MANBA: variants seen among roughly 807,000 people sequenced by gnomAD.
MANBA encodes the protein beta-mannosidase.
Under a neutral mutation model 111.1 loss-of-function variants are expected in MANBA, and 83 were observed. That is an observed-to-expected ratio of 0.75 (90% CI 0.63 to 0.90). The LOEUF (loss-of-function observed/expected upper bound fraction) is 0.90, where lower values mean the gene tolerates loss of function less well. MANBA is among the 40% of genes least tolerant of loss of function. The pLI is 0.00. For missense variants in MANBA, 1,036 were observed against 1,069.0 expected, an observed-to-expected ratio of 0.97 and a Z score of 0.43; for synonymous variants, 370 against 378.7, an observed-to-expected ratio of 0.98 and a Z score of 0.27.
At position 102,631,449 on chromosome 4, in the gene MANBA, A is replaced by G. The variant is rs1729369871; in HGVS notation, c.*608T>C. The G allele has an allele frequency of 3.6e-6, 1 of 277,938 alleles. No individual in the cohort carries two copies. The highest frequency in any genetic ancestry group is 2.2e-5 in the African/African-American group (1 of 45,898). 17.2% of individuals were successfully genotyped at this position (277,938 alleles called of 1,614,324 possible). A position where few individuals can be genotyped will look rare whatever the true frequency, so the allele number is the denominator to read the frequency against. ...TCCAGCACAGTATTGGGCAAAATTG[A>G]ATATTTATAGAACGGTTAAATAAGC... On this transcript the variant is annotated 3_prime_UTR_variant, in exon 17 of 17. Coordinates refer to ENST00000647097, the MANE Select transcript of MANBA (RefSeq NM_005908.4).
At chr4:102,678,596 AAGTCGGGC>A (rs559449140) in intron 7 of MANBA, among the ~76,000 whole-genome samples, 88 of 152,326 alleles carry the variant, frequency 5.8e-4, no homozygotes, top group African/African-American at 1.9e-3. Context: ...AAAAATGTGT[AAGTCGGGC>A]AGTTAGAAAA....
At chr4:102,680,895 T>C (rs1255238979) in intron 7 of MANBA, among the ~76,000 whole-genome samples, 1 of 152,236 alleles carries the variant, frequency 6.6e-6, no homozygotes, top group African/African-American at 2.4e-5. Context: ...ACATTTGATC[T>C]CTGTTTCCAG....
intron 1 of MANBA, among the ~76,000 whole-genome samples, chr4:102,739,629 T>C (rs1723334293): frequency 6.6e-6 from 1 of 152,202 alleles, no homozygotes; most frequent in Non-Finnish European, 1.5e-5. Flanking sequence ...ATACCAGGGA[T>C]GCAGGTACAT....
chr4:102,714,379 A>G (rs903232007), intron 5 of MANBA, 59 bp downstream of exon 5: 3 of 1,505,604 alleles, frequency 2.0e-6, no homozygotes, highest in Non-Finnish European at 2.8e-6. Context: ...TCAATTATAA[A>G]CCCAATTTTT....
intron 1 of MANBA, chr4:102,752,280 AAT>A (rs1452623233): frequency 1.6e-6 from 2 of 1,269,440 alleles, no homozygotes; most frequent in Non-Finnish European, 2.3e-6. Context: ...TAAAGTGCTT[AAT>A]TGTATTTCCC....
chr4:102,742,254 G>T (rs965646410), intron 1 of MANBA, among the ~76,000 whole-genome samples: 1 of 152,054 alleles, frequency 6.6e-6, no homozygotes. Context: ...TGGTGGCAGC[G>T]TTTCTCCCTC....
chr4:102,642,252 C>T (rs1288020670), intron 13 of MANBA, among the ~76,000 whole-genome samples: 1 of 152,116 alleles, frequency 6.6e-6, no homozygotes, highest in Non-Finnish European at 1.5e-5. Flanking sequence ...GGGATAAATG[C>T]TTAGTCATTT....
rs1731363703 is a variant in MANBA, at chr4:102,669,028, CA to C, written c.1251del (p.Phe417LeufsTer16). 2 of 1,613,088 alleles carry C rather than the reference CA, an allele frequency of 1.2e-6. No homozygotes were observed. Among genetic ancestry groups the C allele is most frequent in the Non-Finnish European group, 1.7e-6 (2 of 1,179,538 alleles). On this transcript the variant is annotated frameshift_variant, in exon 10 of 17. Coordinates refer to ENST00000647097, the MANE Select transcript of MANBA (RefSeq NM_005908.4). LOFTEE classifies it high-confidence loss of function. ...TGATCAGTTGGATAAAGGGCACAGG[CA>C]AACATAAAATCCTGCCATACCTAGC... Reference protein sequence around the residue: ...LGIMVWQDFMFACALYPTDQG... With the variant: ...LGIMVWQDFMXACALYPTDQG...
intron 1 of MANBA, among the ~76,000 whole-genome samples, chr4:102,736,370 G>A (rs1199036707): frequency 6.6e-6 from 1 of 152,126 alleles, no homozygotes; most frequent in Non-Finnish European, 1.5e-5. Context: ...TGTGTCATCA[G>A]AGCATGCAAA....
chr4:102,734,080 T>C (rs1723121836), intron 1 of MANBA, among the ~76,000 whole-genome samples: 1 of 152,252 alleles, frequency 6.6e-6, no homozygotes, highest in African/African-American at 2.4e-5. Context: ...CAACCAAGAA[T>C]GAACCCTAAT....
intron 14 of MANBA, among the ~76,000 whole-genome samples, chr4:102,637,023 G>A (rs1394404278): frequency 6.6e-6 from 1 of 152,142 alleles, no homozygotes. Context: ...GTTTTATAAA[G>A]AAGGAGTTTC....
chr4:102,759,079 A>C lies in MANBA; in HGVS notation c.177+1639T>G, dbSNP rs548962905. Among the ~76,000 whole-genome samples the C allele has an allele frequency of 5.9e-5, 9 of 151,992 alleles. No homozygotes were observed. In the South Asian group the frequency reaches 1.5e-3, roughly 25 times the overall value. ...TAGCTTCTTAGCTCTGTAATATGGC[A>C]CAATAATCTGACTTACTGAAGCCAC... On this transcript the variant is annotated intron_variant, in intron 1 of 16. Coordinates refer to ENST00000647097, the MANE Select transcript of MANBA (RefSeq NM_005908.4).
chr4:102,644,857 T>C (rs942222124), intron 13 of MANBA, among the ~76,000 whole-genome samples: 1 of 151,992 alleles, frequency 6.6e-6, no homozygotes, highest in African/African-American at 2.4e-5. Context: ...CAAAACATCA[T>C]GTTGTACACC....
chr4:102,631,809 T>C lies in MANBA; in HGVS notation c.*248A>G. 1.7e-6 allele frequency: 1 copy of C among 604,752 alleles called. No individual in the cohort carries two copies. The highest frequency in any genetic ancestry group is 2.9e-6 in the Non-Finnish European group (1 of 340,434). 37.5% of individuals were successfully genotyped at this position (604,752 alleles called of 1,614,324 possible). A position where few individuals can be genotyped will look rare whatever the true frequency, so the allele number is the denominator to read the frequency against. On this transcript the variant is annotated 3_prime_UTR_variant, in exon 17 of 17. Transcript: ENST00000647097. Reference sequence around the variant, plus strand: ...CTGCTAAAGCTGAGAGGTGAAGGGCTAAAAACACAGTCCTGGCACAGATTC... The same window carrying C: ...CTGCTAAAGCTGAGAGGTGAAGGGCCAAAAACACAGTCCTGGCACAGATTC...
chr4:102,759,499 T>C (rs754881263), intron 1 of MANBA, among the ~76,000 whole-genome samples: 10 of 151,090 alleles, frequency 6.6e-5, no homozygotes, highest in Non-Finnish European at 1.3e-4. Context: ...TGATCTACTC[T>C]AAAAATACAT....
chr4:102,714,950 T>C (rs1722260565), intron 4 of MANBA, among the ~76,000 whole-genome samples: 1 of 152,150 alleles, frequency 6.6e-6, no homozygotes, highest in Admixed American at 6.5e-5. Flanking sequence ...AAAGACCTTC[T>C]CCAAATATGA....
At chr4:102,759,442 A>G (rs17033239) in intron 1 of MANBA, among the ~76,000 whole-genome samples, 1 of 152,274 alleles carries the variant, frequency 6.6e-6, no homozygotes, top group South Asian at 2.1e-4. Flanking sequence ...TGTGTTCTCT[A>G]TCACAAGTAG....
rs899361140 is a variant in MANBA, at chr4:102,726,134, A to AT, written c.272+454dup. Among the ~76,000 whole-genome samples the AT allele has an allele frequency of 8.7e-3, 1,300 of 150,002 alleles. 15 individuals are homozygous for AT. Among genetic ancestry groups the AT allele is most frequent in the African/African-American group, 0.028 (1,145 of 40,970 alleles). On this transcript the variant is annotated intron_variant, in intron 2 of 16. Coordinates refer to ENST00000647097, the MANE Select transcript of MANBA (RefSeq NM_005908.4). ...AAAATCACATAAAAGGGACAGAAGG[A>AT]TTTTTTTTTTCATTTAGCAGTAGTG...
intron 5 of MANBA, among the ~76,000 whole-genome samples, chr4:102,709,748 A>G (rs1419464617): frequency 6.6e-6 from 1 of 152,212 alleles, no homozygotes; most frequent in Non-Finnish European, 1.5e-5. Flanking sequence ...ATTAGCATGG[A>G]TCCAAAGATC....
Sources: gnomAD v4.1 joint callset for allele counts (sites outside exome capture counted in the v4.1 genomes callset) on GRCh38, gnomAD v4.1.1 for gene constraint, MANE v1.5 for transcripts, NCBI Gene and HGNC (gene_info 2026-07-23, HGNC 2026-07-21) for gene names.